The following MED1 variants were observed in gnomAD, a reference collection of about 807,000 sequenced individuals.
MED1 encodes mediator of RNA polymerase II transcription subunit 1.
Under a neutral mutation model 121.3 loss-of-function variants are expected in MED1, and 17 were observed. The observed-to-expected ratio is 0.14, with a 90% CI of 0.10 to 0.21. The LOEUF is 0.21. Among genes scored for constraint, MED1 ranks in the 10% least tolerant of loss-of-function variants. The pLI, the probability that MED1 is intolerant of heterozygous loss-of-function variation, is 1.00. For synonymous variants in MED1, 661 were observed against 694.4 expected (o/e 0.95, Z 0.76); for missense variants, 1,558 against 1,919.4 (o/e 0.81, Z 3.52).
At chr17:39,443,127 G>A (rs535244970) in intron 3 of MED1, among the ~76,000 whole-genome samples, 7 of 146,128 alleles carry the variant, frequency 4.8e-5, no homozygotes, top group South Asian at 2.2e-4. Context: ...TCAGCCTCCC[G>A]AGAAGCTGGG....
At chr17:39,439,447 T>G (rs777266243) in intron 5 of MED1, among the ~76,000 whole-genome samples, 41 of 152,232 alleles carry the variant, frequency 2.7e-4, no homozygotes, top group Non-Finnish European at 5.4e-4. Flanking sequence ...GTTTAAAACA[T>G]TAGGAACTCT....
rs1277056477 is a variant in MED1 at position 39,407,237 on chromosome 17, ACTTT to A, written c.*234_*237del. On this transcript the variant is annotated 3_prime_UTR_variant, in exon 17 of 17. Transcript: ENST00000300651. The stretch of plus-strand genomic sequence containing the variant: ...CTCCCTTTCTTAAGCAAGTATTTTA[ACTTT>A]CTTTCTGGCACAGGAACAAAGAAGA... 5.1e-5 allele frequency: 44 copies of A among 864,264 alleles called. No individual in the cohort carries two copies. The highest frequency in any genetic ancestry group is 6.2e-4 in the Middle Eastern group (1 of 1,602). 53.5% of individuals were successfully genotyped at this position (864,264 alleles called of 1,614,324 possible).
chr17:39,424,603 A>G (rs374539426), intron 11 of MED1, 24 bp downstream of exon 11: 5 of 1,461,910 alleles, frequency 3.4e-6, no homozygotes, highest in Non-Finnish European at 4.7e-6. Flanking sequence ...TGACTTTGCT[A>G]CTCTAAAATT....
chr17:39,448,548 CAA>C (rs71147333), intron 1 of MED1, among the ~76,000 whole-genome samples: 41 of 69,936 alleles, frequency 5.9e-4, no homozygotes, highest in Non-Finnish European at 6.6e-4. Context: ...GACATTGTGT[CAA>C]AAAAAAAAAA....
At chr17:39,428,206 C>T (rs2048532832) in intron 9 of MED1, among the ~76,000 whole-genome samples, 1 of 151,990 alleles carries the variant, frequency 6.6e-6, no homozygotes, top group Non-Finnish European at 1.5e-5. Flanking sequence ...AAAAATTGGC[C>T]AGGTGCGGTG....
At chr17:39,448,089 G>A (rs2048745137) in intron 1 of MED1, among the ~76,000 whole-genome samples, 185 bp from the exon 2 acceptor site, 2 of 151,096 alleles carry the variant, frequency 1.3e-5, no homozygotes, top group Admixed American at 1.3e-4. Context: ...ACAAGTTATG[G>A]GTCTGATGTA....
intron 6 of MED1, among the ~76,000 whole-genome samples, chr17:39,436,020 C>A (rs1432956173): frequency 6.6e-6 from 1 of 150,724 alleles, no homozygotes; most frequent in African/African-American, 2.4e-5. Context: ...TGCAGTGAGC[C>A]GAGATTGCGC....
intron 14 of MED1, among the ~76,000 whole-genome samples, chr17:39,416,123 C>G (rs991663271): frequency 6.6e-6 from 1 of 152,096 alleles, no homozygotes; most frequent in East Asian, 1.9e-4. Flanking sequence ...CCACAGATGA[C>G]AGAAGGAATC....
chr17:39,409,051 G>A lies in MED1; in HGVS notation c.3170C>T (p.Thr1057Ile). 6.2e-7 allele frequency: 1 copy of A among 1,614,162 alleles called. No individual in the cohort carries two copies. Among genetic ancestry groups the A allele is most frequent in the Non-Finnish European group, 8.5e-7 (1 of 1,180,040 alleles). Residue 1057 changes from threonine (T) to isoleucine (I), a missense_variant, in exon 17 of 17, where the codon ACA becomes ATA. By Grantham distance (89) the Thr-to-Ile change is moderately conservative (BLOSUM62 -1). Coordinates refer to ENST00000300651, the MANE Select transcript of MED1 (RefSeq NM_004774.4). ...AATAGTGATTTTGGGAATGGGTGGTGTGGCAACACCTGGGGGAGTCTGAGA... is the reference window on the plus strand; with the variant it reads ...AATAGTGATTTTGGGAATGGGTGGTATGGCAACACCTGGGGGAGTCTGAGA... ...GRSQTPPGVA[T>I]PPIPKITIQI...
chr17:39,416,924 C>T (rs1000361938), intron 14 of MED1, among the ~76,000 whole-genome samples: 4 of 152,114 alleles, frequency 2.6e-5, no homozygotes, highest in East Asian at 1.9e-4. Context: ...TATAGTCCAG[C>T]GACTTGAGGA....
intron 3 of MED1, among the ~76,000 whole-genome samples, chr17:39,442,963 A>G (rs1473673138): frequency 6.7e-6 from 1 of 150,266 alleles, no homozygotes; most frequent in Non-Finnish European, 1.5e-5. Context: ...ATCAGAAATA[A>G]ATGTGAAGGG....
chr17:39,410,022 C>T lies in MED1; in HGVS notation c.2199G>A (p.Leu733=), dbSNP rs528029990. Residue 733 remains leucine, a synonymous_variant, in exon 17 of 17, where the codon CTG becomes CTA. Transcript: ENST00000300651. ...IFDVNMTADT[L]DTPHITPAPS... ...GAGCTGGAGTGATGTGTGGCGTATC[C>T]AGCGTGTCAGCTGTCATGTTGACAT... 1.4e-5 allele frequency: 22 copies of T among 1,614,056 alleles called. No homozygotes were observed. Among genetic ancestry groups the T allele is most frequent in the Non-Finnish European group, 1.9e-5 (22 of 1,180,022 alleles).
rs1040026027 is a variant in MED1 at position 39,406,386 on chromosome 17, T to A, written c.*1089A>T. The A allele has an allele frequency of 3.0e-5, 30 of 985,300 alleles. No homozygotes were observed. The African/African-American group carries it at 4.9e-4, about 16-fold the overall frequency. The allele number at this position is 985,300 out of a possible 1,614,324, so 61.0% of individuals were successfully genotyped here. A position where few individuals can be genotyped will look rare whatever the true frequency, so the allele number is the denominator to read the frequency against. ...AAACAGTGAGTCCAGCTCTTAGGAA[T>A]GGCATCAGTTCTCCTGCAAACAAAA... On this transcript the variant is annotated 3_prime_UTR_variant, in exon 17 of 17. Transcript: ENST00000300651.
intron 1 of MED1, among the ~76,000 whole-genome samples, chr17:39,449,929 C>A (rs1354063486): frequency 1.4e-5 from 2 of 141,294 alleles, no homozygotes; most frequent in Non-Finnish European, 3.1e-5. Flanking sequence ...ATCCTCCCAC[C>A]TCAGCCTCCC....
intron 9 of MED1, among the ~76,000 whole-genome samples, chr17:39,429,875 C>A (rs1346194618): frequency 6.6e-6 from 1 of 151,834 alleles, no homozygotes; most frequent in Non-Finnish European, 1.5e-5. Context: ...TCACTTGATC[C>A]CAGTTCAAGA....
chr17:39,423,645 GTTTC>G (rs2048487693), intron 12 of MED1, 48 bp downstream of exon 12: 6 of 1,611,632 alleles, frequency 3.7e-6, no homozygotes, highest in Non-Finnish European at 5.1e-6. Context: ...TGACTTTGAA[GTTTC>G]TTTTTCACAT....
Position 39,427,781 on chromosome 17 carries a change from A to C in MED1, c.659T>G (p.Met220Arg). Reference protein sequence around the residue: ...YLTPRSGGHLMNLKYYVSPSD... With the variant: ...YLTPRSGGHLRNLKYYVSPSD... ...AGGAGAGACATAGTACTTCAGGTTC[A>C]TTAAATGACCTATAAAAAATAAAAC... The change falls in exon 10 of 17, where the codon ATG (methionine) becomes AGG (arginine). Residue 220 changes from methionine (M) to arginine (R), a missense_variant. Met to Arg is a moderately conservative substitution (Grantham distance 91). Transcript: ENST00000300651. The C allele has an allele frequency of 6.3e-7, 1 of 1,587,468 alleles. No homozygotes were observed. The highest frequency in any genetic ancestry group is 8.6e-7 in the Non-Finnish European group (1 of 1,158,900).
rs754653281 is a variant in MED1, at chr17:39,415,106, T to A, written c.1419A>T (p.Thr473=). Residue 473 remains threonine, a synonymous_variant, in exon 16 of 17, where the codon ACA becomes ACT. Transcript: ENST00000300651. The part of the protein sequence containing the change: ...VCVVMDVQDS[T]HVSCKLYKGL... ...CTTTGTAGAGTTTACAGCTCACATG[T>A]GTTGAGTCCTGCACATCCATTACCA... The A allele has an allele frequency of 6.2e-7, 1 of 1,614,164 alleles. No individual in the cohort carries two copies.
intron 6 of MED1, among the ~76,000 whole-genome samples, chr17:39,437,912 C>T (rs971272192): frequency 1.3e-4 from 19 of 151,406 alleles, no homozygotes; most frequent in African/African-American, 4.4e-4. Context: ...CCAGCCTGGG[C>T]AACAAAAGTA....
Sources: gnomAD v4.1 joint callset for allele counts (sites outside exome capture counted in the v4.1 genomes callset) on GRCh38, gnomAD v4.1.1 for gene constraint, MANE v1.5 for transcripts, NCBI Gene and HGNC (gene_info 2026-07-23, HGNC 2026-07-21) for gene names.